Variants in BRAP observed in about 807,000 individuals in gnomAD.
BRAP encodes BRCA1 associated protein.
BRAP carries 42 observed loss-of-function variants against 73.4 expected under a neutral mutation model. The observed-to-expected ratio is 0.57, with a 90% confidence interval of 0.45 to 0.74. The LOEUF (loss-of-function observed/expected upper bound fraction) is 0.74. Among genes scored for constraint, BRAP ranks in the 30% least tolerant of loss-of-function variants. The probability of loss-of-function intolerance (pLI) is 0.00; values close to 1 mark genes in which losing one functional copy is unlikely to be tolerated. For synonymous variants in BRAP, 255 were observed against 267.4 expected, an observed-to-expected ratio of 0.95 and a Z score of 0.45; for missense variants, 593 against 751.4, an observed-to-expected ratio of 0.79 and a Z score of 2.46.
At chr12:111,681,954 G>T in intron 2 of BRAP, 119 bp from the exon 3 acceptor site, 1 of 885,590 alleles carries the variant, frequency 1.1e-6, no homozygotes, top group Non-Finnish European at 1.7e-6. Flanking sequence ...ACAATGTAAT[G>T]CATTAACAGC....
intron 6 of BRAP, among the ~76,000 whole-genome samples, chr12:111,664,804 C>T (rs749280939): frequency 6.6e-6 from 1 of 152,198 alleles, no homozygotes; most frequent in Admixed American, 6.5e-5. Context: ...TCCCCCACTG[C>T]CTTCTCTGGG....
rs1163739791 is a variant in BRAP, at chr12:111,643,998, A to G, written c.*201T>C. The G allele has an allele frequency of 1.3e-5, 11 of 833,564 alleles. No individual in the cohort carries two copies. Among genetic ancestry groups the G allele is most frequent in the Non-Finnish European group, 2.0e-5 (11 of 559,286 alleles). 51.6% of individuals were successfully genotyped at this position (833,564 alleles called of 1,614,324 possible). On this transcript the variant is annotated 3_prime_UTR_variant, in exon 12 of 12. Transcript: ENST00000419234. ...TAGTGAACTCTTAAGACCTTTTCGA[A>G]CGCAGCGCCTTTCTATCAGCTCTCC... is the stretch of plus-strand genomic sequence containing the variant.
chr12:111,650,346 A>G (rs970740434), intron 10 of BRAP, among the ~76,000 whole-genome samples: 2 of 151,988 alleles, frequency 1.3e-5, no homozygotes, highest in Admixed American at 6.6e-5. Context: ...GCTCACTGCA[A>G]CCTCCCGCTC....
In BRAP at chr12:111,658,776, T is replaced by G; in HGVS notation, c.1181A>C (p.Asp394Ala). The change falls in exon 9 of 12, where the codon GAT (aspartate) becomes GCT (alanine). Residue 394 changes from aspartate to alanine, a missense_variant. By Grantham distance (126) the Asp-to-Ala change is moderately radical. Coordinates refer to ENST00000419234, the MANE Select transcript of BRAP (RefSeq NM_006768.5). Reference sequence around the variant, plus strand: ...ATCTATTTTCTCTTCCTGGCAAGTATCCCCCTCACATTCATACTGTACTAT... The same window carrying G: ...ATCTATTTTCTCTTCCTGGCAAGTAGCCCCCTCACATTCATACTGTACTAT... Reference protein sequence around the residue: ...GKIVQYECEGDTCQEEKIDAL... With the variant: ...GKIVQYECEGATCQEEKIDAL... 1.2e-6 allele frequency: 2 copies of G among 1,612,256 alleles called. No homozygotes were observed. The highest frequency in any genetic ancestry group is 1.7e-6 in the Non-Finnish European group (2 of 1,178,414).
chr12:111,682,895 G>A (rs926711941), intron 2 of BRAP, among the ~76,000 whole-genome samples: 1 of 151,880 alleles, frequency 6.6e-6, no homozygotes. Context: ...CTGGGCAACA[G>A]AGACCCTGCC....
chr12:111,683,635 G>A (rs1032311678), intron 1 of BRAP, among the ~76,000 whole-genome samples: 3 of 152,158 alleles, frequency 2.0e-5, no homozygotes, highest in Non-Finnish European at 4.4e-5. Flanking sequence ...CCACCTCCCA[G>A]GTTCAAGTGA....
intron 4 of BRAP, among the ~76,000 whole-genome samples, chr12:111,677,524 A>G (rs1887430074): frequency 6.6e-6 from 1 of 152,222 alleles, no homozygotes; most frequent in Non-Finnish European, 1.5e-5. Flanking sequence ...TGTAAAACAA[A>G]GATAACAACA....
intron 1 of BRAP, among the ~76,000 whole-genome samples, chr12:111,683,884 T>C (rs1397488386): frequency 6.6e-6 from 1 of 152,058 alleles, no homozygotes; most frequent in East Asian, 1.9e-4. Flanking sequence ...GAGGGAGCCT[T>C]AGAGAAGATG....
intron 3 of BRAP, among the ~76,000 whole-genome samples, chr12:111,680,733 A>G (rs1003569644): frequency 8.8e-5 from 11 of 125,036 alleles, no homozygotes; most frequent in Non-Finnish European, 1.6e-4. Context: ...AACAAAACAA[A>G]AAACAAAATG....
intron 11 of BRAP, among the ~76,000 whole-genome samples, chr12:111,648,547 G>A (rs1886200555): frequency 7.0e-6 from 1 of 143,328 alleles, no homozygotes; most frequent in African/African-American, 2.6e-5. Flanking sequence ...GGGAGGCGGA[G>A]GTTGCAGTGA....
chr12:111,684,286 T>G (rs1887712918), intron 1 of BRAP, among the ~76,000 whole-genome samples: 1 of 152,190 alleles, frequency 6.6e-6, no homozygotes, highest in Non-Finnish European at 1.5e-5. Flanking sequence ...CCCATGCAGA[T>G]GTCTATATGC....
At chr12:111,648,596 C>T (rs1886203722) in intron 11 of BRAP, among the ~76,000 whole-genome samples, 1 of 143,070 alleles carries the variant, frequency 7.0e-6, no homozygotes, top group East Asian at 2.1e-4. Flanking sequence ...TATTGCGCCA[C>T]TGCACTCCAG....
intron 11 of BRAP, 125 bp downstream of exon 11, chr12:111,649,814 A>G: frequency 1.6e-6 from 1 of 631,748 alleles, no homozygotes; most frequent in Non-Finnish European, 2.7e-6. Flanking sequence ...AGCCTGTTCC[A>G]TATATAGGGA....
intron 6 of BRAP, among the ~76,000 whole-genome samples, chr12:111,661,168 C>T (rs899275373): frequency 9.3e-5 from 14 of 150,004 alleles, no homozygotes; most frequent in Admixed American, 1.3e-4. Flanking sequence ...TTGGTAGAGA[C>T]GGGGCTTCAC....
At chr12:111,679,418 C>T in intron 3 of BRAP, 78 bp from the exon 4 acceptor site, 1 of 1,028,960 alleles carries the variant, frequency 9.7e-7, no homozygotes, top group Non-Finnish European at 1.3e-6. Flanking sequence ...CTTTTATGTC[C>T]AAGAAAACAG....
intron 4 of BRAP, among the ~76,000 whole-genome samples, chr12:111,678,604 C>T (rs965222143): frequency 1.3e-5 from 2 of 151,654 alleles, no homozygotes; most frequent in Non-Finnish European, 2.9e-5. Context: ...TTGCAGTGAG[C>T]CGATACCACA....
intron 10 of BRAP, 120 bp downstream of exon 10, chr12:111,655,446 A>G: frequency 1.3e-6 from 1 of 767,246 alleles, no homozygotes. Flanking sequence ...TCCACCTATT[A>G]CCTGCCTGAG....
At chr12:111,661,414 G>A (rs909408011) in intron 6 of BRAP, among the ~76,000 whole-genome samples, 1 of 151,810 alleles carries the variant, frequency 6.6e-6, no homozygotes. Context: ...TGAGTAGCTG[G>A]GACTACAGGC....
intron 5 of BRAP, among the ~76,000 whole-genome samples, chr12:111,670,827 C>T (rs1267191883): frequency 2.0e-5 from 3 of 151,804 alleles, no homozygotes; most frequent in South Asian, 4.2e-4. Flanking sequence ...TGGCCGGGCG[C>T]GGTGGCTCAT....
Sources: allele counts gnomAD v4.1 joint callset (sites outside exome capture counted in the v4.1 genomes callset), GRCh38; gene constraint gnomAD v4.1.1; transcripts MANE v1.5; gene names NCBI Gene and HGNC (gene_info 2026-07-23, HGNC 2026-07-21).